The following NCMAP variants were observed in gnomAD, a reference collection of about 807,000 sequenced individuals.
NCMAP encodes the protein non-compact myelin associated protein, also known as noncompact myelin-associated protein.
In NCMAP, 8 loss-of-function variants were observed where a neutral mutation model predicts 7.8. That is an observed-to-expected ratio of 1.02 (90% CI 0.60 to 1.84). The LOEUF (loss-of-function observed/expected upper bound fraction) is 1.84. NCMAP is among the 40% of genes most tolerant of loss of function. The pLI is 0.00. For synonymous variants in NCMAP, 41 were observed against 52.9 expected, an observed-to-expected ratio of 0.78 and a Z score of 0.98; for missense variants, 112 against 131.4, an observed-to-expected ratio of 0.85 and a Z score of 0.72.
chr1:24,583,711 G>A (rs963538458), intron 1 of NCMAP, among the ~76,000 whole-genome samples: 5 of 114,438 alleles, frequency 4.4e-5, no homozygotes, highest in East Asian at 2.5e-4. Context: ...GCAAGACTCC[G>A]TCTCAGAAAA....
rs1652816022 is a variant in NCMAP, at chr1:24,607,886, A to AG, written c.*2143dup. 1 of 152,308 alleles carries AG rather than the reference A, an allele frequency of 6.6e-6. No homozygotes were observed. Among genetic ancestry groups the AG allele is most frequent in the Non-Finnish European group, 1.5e-5 (1 of 68,136 alleles). 9.4% of individuals were successfully genotyped at this position (152,308 alleles called of 1,614,324 possible). ...CTCAAAAAAAGAAAAATCCATTATG[A>AG]GGGGAAATCAAGAGTCAGGGAGGTA... is the stretch of plus-strand genomic sequence containing the variant. On this transcript the variant is annotated 3_prime_UTR_variant, in exon 4 of 4. Coordinates refer to ENST00000374392, the MANE Select transcript of NCMAP (RefSeq NM_001010980.5).
At chr1:24,577,886 C>T (rs906382623) in intron 1 of NCMAP, among the ~76,000 whole-genome samples, 4 of 152,124 alleles carry the variant, frequency 2.6e-5, no homozygotes, top group African/African-American at 9.7e-5. Flanking sequence ...GCCTCCCGGC[C>T]ATGGCTCCTT....
At chr1:24,594,248 A>C (rs36007380) in intron 1 of NCMAP, among the ~76,000 whole-genome samples, 111,575 of 151,966 alleles carry the variant, frequency 0.73, 41,139 homozygotes, top group East Asian at 0.84. Context: ...AGGATCTCAA[A>C]ACTTCTTTCC....
At chr1:24,604,913 G>A (rs112357131) in intron 3 of NCMAP, among the ~76,000 whole-genome samples, 8,107 of 150,716 alleles carry the variant, frequency 0.054, 746 homozygotes, top group African/African-American at 0.19. Context: ...TCAGGAGTTC[G>A]AGACCAGCCT....
intron 1 of NCMAP, among the ~76,000 whole-genome samples, chr1:24,559,888 G>A (rs578256011): frequency 1.3e-5 from 2 of 152,370 alleles, no homozygotes; most frequent in African/African-American, 2.4e-5. Flanking sequence ...GTGGCCGGGC[G>A]CGGTGGCTCA....
intron 3 of NCMAP, 98 bp downstream of exon 3, chr1:24,601,122 A>C (rs919512993): frequency 2.0e-5 from 19 of 931,488 alleles, no homozygotes; most frequent in Admixed American, 7.3e-5. Context: ...TGTGCCTGGC[A>C]GTATCCCTCA....
intron 1 of NCMAP, among the ~76,000 whole-genome samples, chr1:24,577,325 A>T (rs1231330352): frequency 1.3e-5 from 2 of 150,446 alleles, no homozygotes; most frequent in Non-Finnish European, 3.0e-5. Flanking sequence ...GAGACAGAGA[A>T]ACAAAAGCGA....
chr1:24,586,510 C>T (rs1028175043), intron 1 of NCMAP, among the ~76,000 whole-genome samples: 1 of 152,182 alleles, frequency 6.6e-6, no homozygotes, highest in African/African-American at 2.4e-5. Flanking sequence ...CGCCTGTAAT[C>T]CCAGCACTTT....
rs1281521050 is a variant in NCMAP, at chr1:24,576,472, C to T, written c.-7-18952C>T. Among the ~76,000 whole-genome samples, 1 of 152,072 alleles carries T rather than the reference C, an allele frequency of 6.6e-6. No individual in the cohort carries two copies. The highest frequency in any genetic ancestry group is 1.5e-5 in the Non-Finnish European group (1 of 68,014). On this transcript the variant is annotated intron_variant, in intron 1 of 3. Coordinates refer to ENST00000374392, the MANE Select transcript of NCMAP (RefSeq NM_001010980.5). The surrounding 1 kb of genome is among the most constrained non-coding windows in gnomAD (Gnocchi z 4.0). Reference sequence around the variant, plus strand: ...CAGCGGCTGCCAGGCCCAGGCTTGGCAGGAAAGGGGAGGGGTGTTCCTTCT... The same window carrying T: ...CAGCGGCTGCCAGGCCCAGGCTTGGTAGGAAAGGGGAGGGGTGTTCCTTCT...
rs1455154539 is a variant in NCMAP, at chr1:24,595,464, T to C, written c.34T>C (p.Phe12Leu). Residue 12 changes from phenylalanine (F) to leucine (L), a missense_variant, in exon 2 of 4, where the codon TTC becomes CTC. Phe to Leu is a conservative substitution (Grantham distance 22). Coordinates refer to ENST00000374392, the MANE Select transcript of NCMAP (RefSeq NM_001010980.5). Reference protein sequence around the residue: ...TTATPLGDTTFFSLNMTTRGE... With the variant: ...TTATPLGDTTLFSLNMTTRGE... ...AGCCACCCCTCTGGGGGATACCACCTTCTTCTCACTGAACATGACCACCAG... is the reference window on the plus strand; with the variant it reads ...AGCCACCCCTCTGGGGGATACCACCCTCTTCTCACTGAACATGACCACCAG... 6.2e-7 allele frequency: 1 copy of C among 1,614,078 alleles called. No homozygotes were observed. The highest frequency in any genetic ancestry group is 8.5e-7 in the Non-Finnish European group (1 of 1,179,910).
intron 1 of NCMAP, among the ~76,000 whole-genome samples, chr1:24,577,413 T>TTTTTTTG (rs1651612886): frequency 6.9e-6 from 1 of 145,366 alleles, no homozygotes; most frequent in African/African-American, 2.5e-5. Context: ...TTTTTTTTTT[T>TTTTTTTG]TTTTTTTTTT....
intron 1 of NCMAP, among the ~76,000 whole-genome samples, chr1:24,588,409 C>T (rs1651950447): frequency 6.6e-6 from 1 of 152,080 alleles, no homozygotes; most frequent in Non-Finnish European, 1.5e-5. Flanking sequence ...CGAGGGCTTT[C>T]GTGGGTTACC....
chr1:24,599,109 G>A (rs1218706732), intron 2 of NCMAP, among the ~76,000 whole-genome samples: 9 of 150,726 alleles, frequency 6.0e-5, no homozygotes, highest in African/African-American at 1.9e-4. Context: ...GTGAAACCCC[G>A]TCTCTATTAA....
chr1:24,582,836 C>A (rs979141711), intron 1 of NCMAP, among the ~76,000 whole-genome samples: 7 of 152,326 alleles, frequency 4.6e-5, no homozygotes, highest in Middle Eastern at 3.4e-3. Flanking sequence ...TGCCATGTAT[C>A]AGCACAGATG....
chr1:24,562,842 T>G (rs556825807), intron 1 of NCMAP, among the ~76,000 whole-genome samples: 63 of 152,300 alleles, frequency 4.1e-4, no homozygotes, highest in South Asian at 6.2e-4. Context: ...TGCTTCTCTC[T>G]GGGAACTTAA....
At chr1:24,604,605 AATATATATATATATATATATATAT>A (rs71032835) in intron 3 of NCMAP, among the ~76,000 whole-genome samples, 317 of 21,200 alleles carry the variant, frequency 0.015, 22 homozygotes, top group African/African-American at 0.028. Flanking sequence ...AAAAAAAAAA[AATATATATATATATATATATATAT>A]ATATATATAT....
At chr1:24,597,640 AAAG>A (rs1185264355) in intron 2 of NCMAP, among the ~76,000 whole-genome samples, 79 of 123,608 alleles carry the variant, frequency 6.4e-4, no homozygotes, top group African/African-American at 2.8e-3. Context: ...AGAAAGAAAG[AAAG>A]AAAGAAAGAA....
intron 3 of NCMAP, among the ~76,000 whole-genome samples, chr1:24,602,411 A>G (rs1480495327): frequency 7.2e-6 from 1 of 138,918 alleles, no homozygotes; most frequent in Non-Finnish European, 1.5e-5. Flanking sequence ...TCTACTAAAA[A>G]TACAAAAAAT....
At chr1:24,588,556 T>C (rs1651954549) in intron 1 of NCMAP, among the ~76,000 whole-genome samples, 1 of 152,038 alleles carries the variant, frequency 6.6e-6, no homozygotes, top group Admixed American at 6.6e-5. Flanking sequence ...TCAGGGGAGA[T>C]ATTTTGGACA....
Sources: allele counts gnomAD v4.1 joint callset (sites outside exome capture counted in the v4.1 genomes callset), GRCh38; gene constraint gnomAD v4.1.1; non-coding constraint Gnocchi (gnomAD v3.1); transcripts MANE v1.5; gene names NCBI Gene and HGNC (gene_info 2026-07-23, HGNC 2026-07-21).